DLG2: variants seen among roughly 807,000 people sequenced by gnomAD.
DLG2 encodes the protein discs large MAGUK scaffold protein 2, also known as disks large homolog 2.
Under a neutral mutation model 132.5 loss-of-function variants are expected in DLG2, and 45 were observed. The ratio of observed to expected loss-of-function variants is 0.34; its 90% CI spans 0.27 to 0.44. The LOEUF (loss-of-function observed/expected upper bound fraction) is 0.44. DLG2 is among the 20% of genes least tolerant of loss of function. DLG2 has a pLI of 1.00. For missense variants in DLG2, 1,045 were observed against 1,196.9 expected, an observed-to-expected ratio of 0.87 and a Z score of 1.87; for synonymous variants, 424 against 419.6, an observed-to-expected ratio of 1.01 and a Z score of -0.13.
intron 7 of DLG2, among the ~76,000 whole-genome samples, chr11:84,291,749 A>G (rs1400898593): frequency 6.6e-6 from 1 of 152,230 alleles, no homozygotes; most frequent in African/African-American, 2.4e-5. Flanking sequence ...AAGTTTTTCT[A>G]TAAACCTATT....
rs112020280 is a variant in DLG2, at chr11:85,124,575, T to C, written c.283-12840A>G. On this transcript the variant is annotated intron_variant, in intron 5 of 27. Coordinates refer to ENST00000376104, the MANE Select transcript of DLG2 (RefSeq NM_001142699.3). Reference sequence around the variant, plus strand: ...AGTGAGTTTACTAAGATTACTAGTATAATAAATGGAAACCTCAAGTCTATA... The same window carrying C: ...AGTGAGTTTACTAAGATTACTAGTACAATAAATGGAAACCTCAAGTCTATA... 4.7e-3 allele frequency among the ~76,000 whole-genome samples: 721 copies of C among 152,310 alleles called. 6 individuals carry two copies. Among genetic ancestry groups the C allele is most frequent in the African/African-American group, 0.017 (698 of 41,578 alleles).
At chr11:83,557,840 CTTG>C (rs1443762169) in intron 19 of DLG2, among the ~76,000 whole-genome samples, 1 of 152,176 alleles carries the variant, frequency 6.6e-6, no homozygotes, top group African/African-American at 2.4e-5. Context: ...AGGGAACTAA[CTTG>C]TTGTGAAGTT....
At chr11:85,250,068 G>C (rs2076324506) in intron 4 of DLG2, among the ~76,000 whole-genome samples, 1 of 152,136 alleles carries the variant, frequency 6.6e-6, no homozygotes, top group Non-Finnish European at 1.5e-5. Flanking sequence ...AATTTTTACA[G>C]GGGCCCAGCC....
At chr11:85,478,619 TGA>T (rs1287352885) in intron 3 of DLG2, among the ~76,000 whole-genome samples, 1 of 152,248 alleles carries the variant, frequency 6.6e-6, no homozygotes, top group African/African-American at 2.4e-5. Context: ...ACTCTGAGGC[TGA>T]GTTTGCTTAT....
chr11:84,242,475 G>A (rs923763436), intron 8 of DLG2, among the ~76,000 whole-genome samples: 1 of 150,960 alleles, frequency 6.6e-6, no homozygotes, highest in Non-Finnish European at 1.5e-5. Context: ...GCATGATCCC[G>A]GCTCACTGCA....
chr11:83,778,154 C>T (rs1469885713), intron 18 of DLG2, among the ~76,000 whole-genome samples: 1 of 151,616 alleles, frequency 6.6e-6, no homozygotes, highest in Non-Finnish European at 1.5e-5. Flanking sequence ...GCTTTATAGT[C>T]CTCTTTGCAT....
intron 6 of DLG2, among the ~76,000 whole-genome samples, chr11:85,049,121 A>G (rs1198496601): frequency 1.3e-5 from 2 of 152,026 alleles, no homozygotes. Flanking sequence ...TTACCCTTTC[A>G]ATCTGCTGCA....
At chr11:83,551,085 G>T (rs577140342) in intron 19 of DLG2, among the ~76,000 whole-genome samples, 1 of 152,258 alleles carries the variant, frequency 6.6e-6, no homozygotes, top group South Asian at 2.1e-4. Context: ...GCTGCAGTAT[G>T]ATTTTCAGCA....
intron 18 of DLG2, among the ~76,000 whole-genome samples, chr11:83,673,652 T>C (rs2077207412): frequency 6.6e-6 from 1 of 152,208 alleles, no homozygotes; most frequent in African/African-American, 2.4e-5. Context: ...ATATTCACCA[T>C]GCCAGCACCT....
chr11:83,722,622 GA>G (rs2088931420), intron 18 of DLG2, among the ~76,000 whole-genome samples: 1 of 152,296 alleles, frequency 6.6e-6, no homozygotes, highest in Non-Finnish European at 1.5e-5. Context: ...TGTAATGCCA[GA>G]TACATATTAA....
intron 7 of DLG2, among the ~76,000 whole-genome samples, chr11:84,326,835 T>C (rs567844700): frequency 2.6e-5 from 4 of 152,332 alleles, no homozygotes; most frequent in Middle Eastern, 3.4e-3. Context: ...CCTAATAATA[T>C]TGACTTGCTC....
intron 3 of DLG2, among the ~76,000 whole-genome samples, chr11:85,381,061 G>A (rs1013049620): frequency 1.3e-5 from 2 of 152,200 alleles, no homozygotes; most frequent in Non-Finnish European, 2.9e-5. Flanking sequence ...AAGGAATGTT[G>A]AATGCAAATG....
At chr11:83,813,056 G>A (rs2047796875) in intron 17 of DLG2, among the ~76,000 whole-genome samples, 1 of 152,124 alleles carries the variant, frequency 6.6e-6, no homozygotes, top group African/African-American at 2.4e-5. Flanking sequence ...TTTGAAGCAG[G>A]AGTCATTGGC....
At position 85,164,206 on chromosome 11, in the gene DLG2, T is replaced by C. The variant is rs76785773; in HGVS notation, c.187-9555A>G. 2.0e-3 allele frequency among the ~76,000 whole-genome samples: 312 copies of C among 152,234 alleles called. 3 individuals carry two copies. The highest frequency in any genetic ancestry group is 7.2e-3 in the African/African-American group (301 of 41,550). On this transcript the variant is annotated intron_variant, in intron 4 of 27. Transcript: ENST00000376104. Reference sequence around the variant, plus strand: ...TACTAATGAAAATCTCCTATATAAATATAAATTTCCTACATAAAAGGGGAG... The same window carrying C: ...TACTAATGAAAATCTCCTATATAAACATAAATTTCCTACATAAAAGGGGAG...
intron 3 of DLG2, among the ~76,000 whole-genome samples, chr11:85,371,633 T>C (rs2084982974): frequency 6.6e-6 from 1 of 152,188 alleles, no homozygotes; most frequent in Non-Finnish European, 1.5e-5. Context: ...ACTGGCCTCA[T>C]ACCCTTGTCT....
intron 18 of DLG2, among the ~76,000 whole-genome samples, chr11:83,782,694 G>C (rs561652590): frequency 2.6e-5 from 4 of 152,226 alleles, no homozygotes; most frequent in African/African-American, 9.6e-5. Context: ...GTGTAGCAGG[G>C]GTACAATGAG....
intron 19 of DLG2, among the ~76,000 whole-genome samples, chr11:83,618,256 A>G (rs2153426526): frequency 6.6e-6 from 1 of 152,296 alleles, no homozygotes; most frequent in Non-Finnish European, 1.5e-5. Context: ...GTCATCTAAT[A>G]TATAAAATAT....
intron 7 of DLG2, among the ~76,000 whole-genome samples, chr11:84,308,935 A>C (rs990871350): frequency 3.9e-5 from 6 of 152,104 alleles, no homozygotes; most frequent in African/African-American, 1.4e-4. Context: ...ACCTCTCTGC[A>C]AGCTGAGGGA....
intron 18 of DLG2, among the ~76,000 whole-genome samples, chr11:83,707,173 C>T (rs1009745668): frequency 4.6e-5 from 7 of 152,280 alleles, no homozygotes; most frequent in African/African-American, 1.7e-4. Context: ...GAAGGACTGG[C>T]TGCAGAGCCC....
Sources: gnomAD v4.1 joint callset for allele counts (sites outside exome capture counted in the v4.1 genomes callset) on GRCh38, gnomAD v4.1.1 for gene constraint, MANE v1.5 for transcripts, NCBI Gene and HGNC (gene_info 2026-07-23, HGNC 2026-07-21) for gene names.